ROBO1: variants seen among roughly 807,000 people sequenced by gnomAD.
ROBO1 encodes the protein roundabout homolog 1.
ROBO1 carries 149 observed loss-of-function variants against 195.9 expected under a neutral mutation model. That is an observed-to-expected ratio of 0.76 (90% CI 0.67 to 0.87). The LOEUF (loss-of-function observed/expected upper bound fraction) is 0.87, where lower values mean the gene tolerates loss of function less well. ROBO1 is among the 40% of genes least tolerant of loss of function. ROBO1 has a pLI of 0.00. For synonymous variants in ROBO1, 816 were observed against 733.2 expected, an observed-to-expected ratio of 1.11 and a Z score of -1.82; for missense variants, 1,933 against 2,068.3, an observed-to-expected ratio of 0.93 and a Z score of 1.27.
intron 3 of ROBO1, among the ~76,000 whole-genome samples, chr3:78,984,810 T>A (rs2077070009): frequency 6.6e-6 from 1 of 152,164 alleles, no homozygotes; most frequent in Non-Finnish European, 1.5e-5. Flanking sequence ...GGTGTGAATG[T>A]TAAATGGGGA....
chr3:78,627,241 C>G, intron 26 of ROBO1, 80 bp downstream of exon 26: 1 of 1,458,618 alleles, frequency 6.9e-7, no homozygotes, highest in African/African-American at 1.4e-5. Context: ...AAAATTACTT[C>G]GTGGGATAGC....
At chr3:79,518,026 T>C (rs1207507139) in intron 2 of ROBO1, among the ~76,000 whole-genome samples, 1 of 152,124 alleles carries the variant, frequency 6.6e-6, no homozygotes, top group Non-Finnish European at 1.5e-5. Context: ...GCGGAAGGAA[T>C]GTGTGAAGAA....
At chr3:78,904,674 GTATATGTATACGTATACATATGTA>G (rs2037785213) in intron 4 of ROBO1, among the ~76,000 whole-genome samples, 1 of 150,524 alleles carries the variant, frequency 6.6e-6, no homozygotes, top group Admixed American at 6.7e-5. Flanking sequence ...CTGTGTGTAT[GTATATGTATACGTATACATATGTA>G]TATATGTATA....
At chr3:79,690,348 G>A (rs1310217777) in intron 1 of ROBO1, among the ~76,000 whole-genome samples, 2 of 152,012 alleles carry the variant, frequency 1.3e-5, no homozygotes, top group African/African-American at 4.8e-5. Context: ...GATGTGAAGA[G>A]TGATGAGAGG....
chr3:79,211,601 C>T (rs2081966692), intron 2 of ROBO1, among the ~76,000 whole-genome samples: 1 of 152,130 alleles, frequency 6.6e-6, no homozygotes, highest in Non-Finnish European at 1.5e-5. Flanking sequence ...TGGAAATCAG[C>T]AGTTCTTTAA....
intron 4 of ROBO1, among the ~76,000 whole-genome samples, chr3:78,912,562 G>A (rs1052190566): frequency 6.6e-6 from 1 of 152,120 alleles, no homozygotes; most frequent in African/African-American, 2.4e-5. Context: ...GGGAGACAGG[G>A]TGTTAAAGCT....
chr3:79,294,057 CAAAAAAAAA>C (rs71631641), intron 2 of ROBO1, among the ~76,000 whole-genome samples: 11 of 29,054 alleles, frequency 3.8e-4, no homozygotes, highest in Middle Eastern at 0.029. Flanking sequence ...GACTCCATCT[CAAAAAAAAA>C]AAAAAAAAAA....
At chr3:79,618,325 C>A (rs778165328) in intron 1 of ROBO1, among the ~76,000 whole-genome samples, 4 of 152,250 alleles carry the variant, frequency 2.6e-5, no homozygotes, top group Non-Finnish European at 5.9e-5. Flanking sequence ...GGCCTCTGAG[C>A]CCACATCTGC....
intron 3 of ROBO1, among the ~76,000 whole-genome samples, chr3:79,038,587 A>AT (rs1408063565): frequency 9.2e-5 from 14 of 151,944 alleles, no homozygotes; most frequent in East Asian, 3.9e-4. Context: ...TGATTTTGTA[A>AT]TTTTTTTCCT....
At chr3:79,375,506 A>T (rs1263925337) in intron 2 of ROBO1, among the ~76,000 whole-genome samples, 1 of 152,248 alleles carries the variant, frequency 6.6e-6, no homozygotes, top group Non-Finnish European at 1.5e-5. Flanking sequence ...TAATGCTCAG[A>T]GTTGAAATAG....
intron 3 of ROBO1, among the ~76,000 whole-genome samples, chr3:79,118,863 C>CA (rs532805479): frequency 0.015 from 1,020 of 69,552 alleles, 8 homozygotes; most frequent in East Asian, 0.041. Context: ...GACTCCAACT[C>CA]AAAAAAAAAA....
chr3:78,743,809 G>A (rs536244040), intron 5 of ROBO1, among the ~76,000 whole-genome samples: 1 of 152,126 alleles, frequency 6.6e-6, no homozygotes, highest in Non-Finnish European at 1.5e-5. Context: ...AGAGAGTACT[G>A]GAGTATTTAA....
rs749152155 is a variant in ROBO1, at chr3:78,688,647, C to A, written c.1170+1G>T. 2 of 1,588,514 alleles carry A rather than the reference C, an allele frequency of 1.3e-6. No individual in the cohort carries two copies. The highest frequency in any genetic ancestry group is 1.7e-6 in the Non-Finnish European group (2 of 1,168,852). On this transcript the variant is annotated splice_donor_variant, in intron 9 of 30. Transcript: ENST00000464233. LOFTEE classifies it high-confidence loss of function. ...AAAAAAAAGTTAGAAAAAGGTGGTA[C>A]CTGACTCCCTTCTCTCCTCCAGAAA... is the stretch of plus-strand genomic sequence containing the variant.
intron 2 of ROBO1, among the ~76,000 whole-genome samples, chr3:79,516,823 A>T (rs1193971182): frequency 6.6e-6 from 1 of 152,188 alleles, no homozygotes; most frequent in Non-Finnish European, 1.5e-5. Flanking sequence ...TATCTACAGG[A>T]TAGATTTCTA....
intron 2 of ROBO1, among the ~76,000 whole-genome samples, chr3:79,134,904 G>C (rs1036213333): frequency 8.4e-6 from 1 of 119,676 alleles, no homozygotes; most frequent in African/African-American, 3.3e-5. Context: ...CGGGGGAGGG[G>C]GGAGGGATAG....
intron 2 of ROBO1, among the ~76,000 whole-genome samples, chr3:79,488,193 A>C (rs1315148293): frequency 1.3e-5 from 2 of 152,230 alleles, no homozygotes; most frequent in African/African-American, 4.8e-5. Context: ...AAATGACCAA[A>C]ATGAATCTTT....
At chr3:79,035,239 C>T (rs888956473) in intron 3 of ROBO1, among the ~76,000 whole-genome samples, 12 of 151,992 alleles carry the variant, frequency 7.9e-5, no homozygotes, top group African/African-American at 2.2e-4. Context: ...TCTATTTCTT[C>T]GTTTGGAGAA....
At chr3:78,755,545 T>C (rs1490040643) in intron 4 of ROBO1, among the ~76,000 whole-genome samples, 1 of 152,036 alleles carries the variant, frequency 6.6e-6, no homozygotes, top group Non-Finnish European at 1.5e-5. Flanking sequence ...ACAGGTAAAA[T>C]GGTGATGGTT....
At chr3:78,669,165 G>A (rs554730677) in intron 11 of ROBO1, among the ~76,000 whole-genome samples, 1 of 152,268 alleles carries the variant, frequency 6.6e-6, no homozygotes, top group South Asian at 2.1e-4. Flanking sequence ...ATGTCAGAAG[G>A]CAAACATAGG....
Sources: gnomAD v4.1 joint callset for allele counts (sites outside exome capture counted in the v4.1 genomes callset) on GRCh38, gnomAD v4.1.1 for gene constraint, MANE v1.5 for transcripts, NCBI Gene and HGNC (gene_info 2026-07-23, HGNC 2026-07-21) for gene names.